CADM1: variants seen among roughly 807,000 people sequenced by gnomAD.
The protein encoded by CADM1 is cell adhesion molecule 1.
A neutral mutation model predicts 53.1 loss-of-function variants in CADM1; 15 were observed. The observed-to-expected ratio is 0.28, with a 90% confidence interval of 0.19 to 0.44. The LOEUF is 0.44. Among genes scored for constraint, CADM1 ranks in the 20% least tolerant of loss-of-function variants. The pLI is 1.00. For synonymous variants in CADM1, 281 were observed against 243.0 expected, an observed-to-expected ratio of 1.16 and a Z score of -1.45; for missense variants, 434 against 611.3, an observed-to-expected ratio of 0.71 and a Z score of 3.06.
intron 1 of CADM1, among the ~76,000 whole-genome samples, chr11:115,383,359 A>G (rs747298141): frequency 6.6e-6 from 1 of 152,256 alleles, no homozygotes. Context: ...GGTAACCAGC[A>G]GTTACATTCT....
intron 1 of CADM1, among the ~76,000 whole-genome samples, chr11:115,372,141 C>T (rs1946323899): frequency 6.6e-6 from 1 of 152,112 alleles, no homozygotes; most frequent in Non-Finnish European, 1.5e-5. Flanking sequence ...ATATATTCTT[C>T]ACAGAATTCA....
chr11:115,468,600 A>T (rs1243375561), intron 1 of CADM1, among the ~76,000 whole-genome samples: 1 of 152,196 alleles, frequency 6.6e-6, no homozygotes, highest in East Asian at 1.9e-4. Flanking sequence ...GGGTCTATGG[A>T]TAATGGAAGG....
Position 115,169,465 on chromosome 11 carries a change from T to C in CADM1, c.*7009A>G, listed in dbSNP as rs200985323. On this transcript the variant is annotated 3_prime_UTR_variant, in exon 12 of 12. Transcript: ENST00000331581. ...CAATTTCAGCAGCAGCAATGGGCTT[T>C]GGCAGGGAAGTAGGAGCAAAAAACC... is the stretch of plus-strand genomic sequence containing the variant. The C allele has an allele frequency of 3.3e-5, 13 of 395,846 alleles. No homozygotes were observed. The East Asian group carries it at 5.7e-4, about 17-fold the overall frequency. The allele number at this position is 395,846 out of a possible 1,614,324, so 24.5% of individuals were successfully genotyped here.
At chr11:115,273,975 T>C (rs1396036722) in intron 1 of CADM1, among the ~76,000 whole-genome samples, 1 of 152,154 alleles carries the variant, frequency 6.6e-6, no homozygotes, top group Non-Finnish European at 1.5e-5. Context: ...TCCAGAAAAG[T>C]CCCCCAACCA....
intron 8 of CADM1, among the ~76,000 whole-genome samples, chr11:115,208,800 C>G (rs989115171): frequency 1.3e-5 from 2 of 151,860 alleles, no homozygotes; most frequent in Non-Finnish European, 1.5e-5. Context: ...GGCTCCCAGA[C>G]AAGCCACATC....
chr11:115,231,455 C>G lies in CADM1; in HGVS notation c.460G>C (p.Asp154His), dbSNP rs180710897. 1.2e-6 allele frequency: 2 copies of G among 1,613,994 alleles called. No homozygotes were observed. The highest frequency in any genetic ancestry group is 1.7e-6 in the Non-Finnish European group (2 of 1,179,966). The change falls in exon 4 of 12, where the codon GAC becomes CAC. Residue 154 changes from aspartate to histidine, a missense_variant. Transcript: ENST00000331581. ...PRNLMIDIQKDTAVEGEEIEV... is the reference protein window; with the variant it reads ...PRNLMIDIQKHTAVEGEEIEV... ...ATCTCCTCACCTTCCACCGCAGTGT[C>G]TTTCTGGATATCGATCATCAGATTA...
intron 1 of CADM1, among the ~76,000 whole-genome samples, chr11:115,260,880 T>G (rs1292046272): frequency 6.6e-6 from 1 of 151,952 alleles, no homozygotes; most frequent in Non-Finnish European, 1.5e-5. Flanking sequence ...TTCACCGTGT[T>G]AGCCAGGATG....
At chr11:115,349,303 T>C (rs1945663588) in intron 1 of CADM1, among the ~76,000 whole-genome samples, 1 of 152,196 alleles carries the variant, frequency 6.6e-6, no homozygotes, top group African/African-American at 2.4e-5. Flanking sequence ...TTATCCAGAT[T>C]ACATTTCATA....
chr11:115,259,701 C>T (rs1334372866), intron 1 of CADM1, among the ~76,000 whole-genome samples: 1 of 152,092 alleles, frequency 6.6e-6, no homozygotes, highest in African/African-American at 2.4e-5. Flanking sequence ...ACTTCCTTAA[C>T]GTTCGGTATA....
At chr11:115,401,878 AGGCTAT>A (rs1454114883) in intron 1 of CADM1, among the ~76,000 whole-genome samples, 1 of 152,128 alleles carries the variant, frequency 6.6e-6, no homozygotes, top group African/African-American at 2.4e-5. Flanking sequence ...ACAACAGGGA[AGGCTAT>A]GCATGTATGG....
chr11:115,357,407 CT>C (rs1769005423), intron 1 of CADM1, among the ~76,000 whole-genome samples: 2 of 152,118 alleles, frequency 1.3e-5, no homozygotes, highest in Admixed American at 1.3e-4. Flanking sequence ...AAGTGTGGGG[CT>C]AGGAAGTGAG....
intron 1 of CADM1, among the ~76,000 whole-genome samples, chr11:115,441,658 T>C (rs944655704): frequency 2.6e-5 from 4 of 152,196 alleles, no homozygotes; most frequent in Non-Finnish European, 4.4e-5. Flanking sequence ...ACTTGGATGC[T>C]ACAGGCTAAT....
intron 1 of CADM1, among the ~76,000 whole-genome samples, chr11:115,297,170 G>A (rs1944100777): frequency 1.3e-5 from 2 of 152,146 alleles, no homozygotes; most frequent in Admixed American, 1.3e-4. Flanking sequence ...TCATAAAATG[G>A]TTCAGTTCAA....
intron 1 of CADM1, among the ~76,000 whole-genome samples, chr11:115,260,841 T>A (rs1227545244): frequency 1.3e-5 from 2 of 150,256 alleles, no homozygotes; most frequent in Non-Finnish European, 3.0e-5. Flanking sequence ...CCCGGCTAAT[T>A]TTTTGTATTT....
chr11:115,214,361 A>C (rs1941086600), intron 7 of CADM1: 1 of 532,154 alleles, frequency 1.9e-6, no homozygotes, highest in Non-Finnish European at 3.4e-6. Flanking sequence ...CTGAGGACAC[A>C]GCTTTCCTTC....
At chr11:115,328,735 T>TATATATACGCGTATATATATGTATATAC (rs1945049249) in intron 1 of CADM1, among the ~76,000 whole-genome samples, 1 of 124,220 alleles carries the variant, frequency 8.1e-6, no homozygotes, top group Non-Finnish European at 1.7e-5. Flanking sequence ...TGTATATACA[T>TATATATACGCGTATATATATGTATATAC]ATATATATAT....
chr11:115,207,586 T>TA (rs575133401), intron 8 of CADM1, among the ~76,000 whole-genome samples: 96 of 142,818 alleles, frequency 6.7e-4, no homozygotes, highest in East Asian at 2.6e-3. Flanking sequence ...AGAAAGGTCT[T>TA]AAAAAAAAAA....
intron 1 of CADM1, among the ~76,000 whole-genome samples, chr11:115,479,230 T>C (rs1252940227): frequency 2.0e-5 from 3 of 152,148 alleles, no homozygotes; most frequent in Non-Finnish European, 2.9e-5. Flanking sequence ...TAAGTCAAAA[T>C]GTAATGTTAA....
intron 10 of CADM1, among the ~76,000 whole-genome samples, chr11:115,180,933 T>G (rs1295316653): frequency 6.6e-6 from 1 of 152,128 alleles, no homozygotes; most frequent in Non-Finnish European, 1.5e-5. Context: ...CTCTGTATGT[T>G]TTAAAATTGG....
Sources: gnomAD v4.1 joint callset for allele counts (sites outside exome capture counted in the v4.1 genomes callset) on GRCh38, gnomAD v4.1.1 for gene constraint, MANE v1.5 for transcripts, NCBI Gene and HGNC (gene_info 2026-07-23, HGNC 2026-07-21) for gene names.